The following PARG variants were observed in gnomAD, a reference collection of about 807,000 sequenced individuals.
PARG encodes mitochondrial poly(ADP-ribose) glycohydrolase.
A neutral mutation model predicts 113.0 loss-of-function variants in PARG; 35 were observed. The observed-to-expected ratio is 0.31, with a 90% CI of 0.24 to 0.41. The LOEUF (loss-of-function observed/expected upper bound fraction) is 0.41, where lower values mean the gene tolerates loss of function less well. Among genes scored for constraint, PARG ranks in the 10% least tolerant of loss-of-function variants. The pLI, the probability that PARG is intolerant of heterozygous loss-of-function variation, is 1.00. For missense variants in PARG, 797 were observed against 1,169.4 expected, an observed-to-expected ratio of 0.68 and a Z score of 4.64; for synonymous variants, 330 against 409.9, an observed-to-expected ratio of 0.81 and a Z score of 2.36.
At chr10:49,867,882 G>A (rs367766598) in intron 10 of PARG, among the ~76,000 whole-genome samples, 11 of 152,116 alleles carry the variant, frequency 7.2e-5, no homozygotes, top group African/African-American at 2.2e-4. Context: ...GTACTACTTC[G>A]TTATAATAAT....
chr10:49,826,790 T>A (rs1844379911), intron 16 of PARG, among the ~76,000 whole-genome samples: 1 of 152,218 alleles, frequency 6.6e-6, no homozygotes, highest in South Asian at 2.1e-4. Context: ...TGTGGCATTT[T>A]AAAACTAAGG....
In PARG at chr10:49,920,495, TATAC is replaced by T. The variant is rs1368262783; in HGVS notation, c.1662+1837_1662+1840del. Among the ~76,000 whole-genome samples, 373 of 89,324 alleles carry T rather than the reference TATAC, an allele frequency of 4.2e-3. 6 individuals are homozygous for T. The highest frequency in any genetic ancestry group is 0.011 in the African/African-American group (243 of 21,652). The allele number at this position is 89,324 out of a possible 152,430, so 58.6% of individuals were successfully genotyped here. Reference sequence around the variant, plus strand: ...ATATATATATATATATATATATATATATACACACACACACACATATATATGTATA... The same window carrying T: ...ATATATATATATATATATATATATATACACACACACACATATATATGTATA... On this transcript the variant is annotated intron_variant, in intron 6 of 17. Coordinates refer to ENST00000616448, the MANE Select transcript of PARG (RefSeq NM_003631.5).
chr10:49,916,091 T>C, intron 6 of PARG, 100 bp from the exon 7 acceptor site: 1 of 719,592 alleles, frequency 1.4e-6, no homozygotes, highest in Admixed American at 2.0e-5. Context: ...CATTTCATAA[T>C]GTTAGACAAG....
At chr10:49,840,837 T>A (rs11813858) in intron 15 of PARG, among the ~76,000 whole-genome samples, 28,961 of 152,216 alleles carry the variant, frequency 0.19, 3,301 homozygotes, top group Non-Finnish European at 0.27. Context: ...TATAGCCATG[T>A]AAAAACCACA....
chr10:49,853,796 CCTTA>C (rs1424902704), intron 13 of PARG, among the ~76,000 whole-genome samples: 7 of 152,042 alleles, frequency 4.6e-5, no homozygotes, highest in Non-Finnish European at 7.4e-5. Flanking sequence ...TTATTTTTTG[CCTTA>C]CTTCACCAAA....
At chr10:49,856,934 GGGA>G in intron 13 of PARG, among the ~76,000 whole-genome samples, 1 of 149,874 alleles carries the variant, frequency 6.7e-6, no homozygotes, top group African/African-American at 2.5e-5. Flanking sequence ...GCTTGAACCT[GGGA>G]GGAGGAGGTT....
chr10:49,916,133 G>C, intron 6 of PARG, 142 bp from the exon 7 acceptor site: 1 of 659,698 alleles, frequency 1.5e-6, no homozygotes, highest in Admixed American at 2.5e-5. Context: ...TACTGATATG[G>C]ACATCAGTAG....
chr10:49,920,440 C>A (rs1837733691), intron 6 of PARG, among the ~76,000 whole-genome samples: 2 of 88,768 alleles, frequency 2.3e-5, no homozygotes, highest in Non-Finnish European at 4.8e-5. Context: ...GAGCAAGACC[C>A]AGCCTCAAAT....
rs1838589688 is a variant in PARG, at chr10:49,933,493, C to A, written c.955G>T (p.Asp319Tyr). ...TCAAAACCTGGACTTGTCTCCTCAT[C>A]TGCTTCTGAGTCTTGACAACTATTT... ...SKNSCQDSEA[D>Y]EETSPGFDEQ... is the part of the protein sequence containing the mutation. The change falls in exon 3 of 18, where the codon GAT (aspartate) becomes TAT (tyrosine). Residue 319 changes from aspartate (D) to tyrosine (Y), a missense_variant. Asp to Tyr is a radical substitution (Grantham distance 160, BLOSUM62 -3). This residue lies in a region of PARG where 252 missense variants were observed against 437.4 expected (regional missense o/e 0.58). Transcript: ENST00000616448. 1 of 1,610,284 alleles carries A rather than the reference C, an allele frequency of 6.2e-7. No homozygotes were observed. Among genetic ancestry groups the A allele is most frequent in the East Asian group, 2.2e-5 (1 of 44,888 alleles).
rs1282050086 is a variant in PARG at position 49,941,674 on chromosome 10, C to T, written c.52G>A (p.Ala18Thr). The part of the protein sequence containing the change: ...EPCTKRPRWG[A>T]ATTSPAASDA... ...GAAGCAGCCGGCGAAGTTGTAGCGG[C>T]GCCCCAGCGGGGTCGCTTGGTGCAG... Residue 18 changes from alanine (A) to threonine (T), a missense_variant, in exon 1 of 18, where the codon GCC (alanine) becomes ACC (threonine). Coordinates refer to ENST00000616448, the MANE Select transcript of PARG (RefSeq NM_003631.5). 5 of 1,595,810 alleles carry T rather than the reference C, an allele frequency of 3.1e-6. No homozygotes were observed. Among genetic ancestry groups the T allele is most frequent in the East Asian group, 4.6e-5 (2 of 43,744 alleles).
chr10:49,939,302 G>A (rs1267476116), intron 1 of PARG, among the ~76,000 whole-genome samples: 1 of 152,094 alleles, frequency 6.6e-6, no homozygotes, highest in African/African-American at 2.4e-5. Context: ...CTTGCAACTA[G>A]TCTCCCTGTC....
chr10:49,866,491 T>A (rs1846520573), intron 10 of PARG, among the ~76,000 whole-genome samples: 1 of 151,822 alleles, frequency 6.6e-6, no homozygotes, highest in Non-Finnish European at 1.5e-5. Context: ...ATGGATAACA[T>A]ATTTAAAACT....
chr10:49,822,134 T>C (rs192372141), intron 16 of PARG, among the ~76,000 whole-genome samples: 176 of 152,016 alleles, frequency 1.2e-3, no homozygotes, highest in African/African-American at 3.9e-3. Flanking sequence ...CACACAAAAA[T>C]GGAATGGAGG....
chr10:49,938,166 G>A (rs1351632502), intron 1 of PARG, among the ~76,000 whole-genome samples: 9 of 152,160 alleles, frequency 5.9e-5, no homozygotes, highest in Non-Finnish European at 8.8e-5. Context: ...GCTTCACTTC[G>A]TTAAGCCTTT....
chr10:49,914,696 G>T (rs182695621), intron 7 of PARG, among the ~76,000 whole-genome samples: 682 of 152,170 alleles, frequency 4.5e-3, no homozygotes, highest in East Asian at 0.018. Flanking sequence ...TTTTAAAACT[G>T]ACCACAAAGC....
At chr10:49,823,777 T>C (rs1844222989) in intron 16 of PARG, among the ~76,000 whole-genome samples, 1 of 152,170 alleles carries the variant, frequency 6.6e-6, no homozygotes, top group Non-Finnish European at 1.5e-5. Context: ...TCATCCTATT[T>C]CCTACTAGAT....
intron 15 of PARG, 134 bp downstream of exon 15, chr10:49,841,816 C>G: frequency 1.6e-6 from 1 of 629,000 alleles, no homozygotes; most frequent in Non-Finnish European, 2.8e-6. Context: ...GCTGACAGAG[C>G]CATTAAATCA....
chr10:49,883,008 T>C (rs1326705679), intron 8 of PARG, among the ~76,000 whole-genome samples: 1 of 149,940 alleles, frequency 6.7e-6, no homozygotes, highest in African/African-American at 2.5e-5. Flanking sequence ...AGCAAATAAC[T>C]TCCAACAGAA....
At chr10:49,939,339 C>T (rs1838903470) in intron 1 of PARG, among the ~76,000 whole-genome samples, 1 of 152,184 alleles carries the variant, frequency 6.6e-6, no homozygotes, top group African/African-American at 2.4e-5. Context: ...CAGTGTTCTA[C>T]AAACTACAAA....
Sources: gnomAD v4.1 joint callset for allele counts (sites outside exome capture counted in the v4.1 genomes callset) on GRCh38, gnomAD v4.1.1 for gene constraint, gnomAD v4.1.1 regional missense constraint, MANE v1.5 for transcripts, NCBI Gene and HGNC (gene_info 2026-07-23, HGNC 2026-07-21) for gene names.